MYH7: variants seen among roughly 807,000 people sequenced by gnomAD.
MYH7 encodes the protein myosin-7.
MYH7 carries 129 observed loss-of-function variants against 225.4 expected under a neutral mutation model. The ratio of observed to expected loss-of-function variants is 0.57; its 90% CI spans 0.50 to 0.66. The LOEUF (loss-of-function observed/expected upper bound fraction) is 0.66, where lower values mean the gene tolerates loss of function less well. MYH7 is among the 30% of genes least tolerant of loss of function. MYH7 has a pLI of 0.00. For missense variants in MYH7, 1,649 were observed against 2,517.0 expected, an observed-to-expected ratio of 0.66 and a Z score of 7.38; for synonymous variants, 971 against 1,007.6, an observed-to-expected ratio of 0.96 and a Z score of 0.69.
At position 23,415,544 on chromosome 14, in the gene MYH7, T is replaced by C. The variant is rs775212799; in HGVS notation, c.5158-38A>G. ...AGGGTTGGGCAGAGCAGGAAAAGCA[T>C]TGAGCATCTATGCATAGCTCTCAAG... On this transcript the variant is annotated intron_variant, in intron 35 of 39. Coordinates refer to ENST00000355349, the MANE Select transcript of MYH7 (RefSeq NM_000257.4). The surrounding 1 kb of genome is among the most constrained non-coding windows in gnomAD (Gnocchi z 6.3). 4 of 1,613,978 alleles carry C rather than the reference T, an allele frequency of 2.5e-6. No homozygotes were observed. The highest frequency in any genetic ancestry group is 2.7e-5 in the African/African-American group (2 of 74,924).
Position 23,417,202 on chromosome 14 carries a change from C to T in MYH7, c.4470G>A (p.Glu1490=). The change falls in exon 32 of 40, where the codon GAG becomes GAA. Residue 1490 remains glutamate, a synonymous_variant. Transcript: ENST00000355349. ...TGAAGGTCTCCAGATGTTCCAGGGA[C>T]TCCTCATAGGCGTTCTTGAGTTTGA... ...ELFKLKNAYE[E]SLEHLETFKR... 6.2e-7 allele frequency: 1 copy of T among 1,614,216 alleles called. No homozygotes were observed. Among genetic ancestry groups the T allele is most frequent in the Non-Finnish European group, 8.5e-7 (1 of 1,180,038 alleles).
chr14:23,433,883 A>T lies in MYH7; in HGVS notation c.-8-143T>A. The T allele has an allele frequency of 1.2e-6, 1 of 826,726 alleles. No individual in the cohort carries two copies. Among genetic ancestry groups the T allele is most frequent in the Non-Finnish European group, 1.9e-6 (1 of 516,342 alleles). The allele number at this position is 826,726 out of a possible 1,614,324, so 51.2% of individuals were successfully genotyped here. A position where few individuals can be genotyped will look rare whatever the true frequency, so the allele number is the denominator to read the frequency against. On this transcript the variant is annotated intron_variant, in intron 2 of 39. Coordinates refer to ENST00000355349, the MANE Select transcript of MYH7 (RefSeq NM_000257.4). The surrounding 1 kb of genome is among the most constrained non-coding windows in gnomAD (Gnocchi z 4.1). The stretch of plus-strand genomic sequence containing the variant: ...TTACCAGTGAGTCCCTTCCTCTTTG[A>T]GGTTACCCCTTAACCAGAGGAGCAG...
At chr14:23,423,862 A>T in intron 23 of MYH7, 45 bp downstream of exon 23, 1 of 1,613,660 alleles carries the variant, frequency 6.2e-7, no homozygotes, top group Non-Finnish European at 8.5e-7. Flanking sequence ...ATGGTCTGAG[A>T]GTCCTGATGA....
At chr14:23,427,523 C>A (rs1341558383) in intron 16 of MYH7, 62 bp downstream of exon 16, 5 of 1,594,514 alleles carry the variant, frequency 3.1e-6, no homozygotes, top group Non-Finnish European at 4.3e-6. Flanking sequence ...AGCAATTGAC[C>A]TGGCTCAGAA....
intron 6 of MYH7, 40 bp from the exon 7 acceptor site, chr14:23,431,909 C>T (rs375851063): frequency 6.9e-6 from 11 of 1,594,404 alleles, no homozygotes; most frequent in African/African-American, 2.7e-5. Flanking sequence ...AACAATACTA[C>T]TGGAGACCAG....
intron 38 of MYH7, 34 bp from the exon 39 acceptor site, chr14:23,413,927 C>G (rs760334246): frequency 1.2e-6 from 2 of 1,614,192 alleles, no homozygotes; most frequent in Non-Finnish European, 1.7e-6. Context: ...TGAGAGGGGG[C>G]CTGGGTTCTC....
chr14:23,426,980 G>A, intron 17 of MYH7, 116 bp from the exon 18 acceptor site: 9 of 1,029,432 alleles, frequency 8.7e-6, no homozygotes, highest in Non-Finnish European at 8.9e-6. Flanking sequence ...AAGTCACAGA[G>A]ATGAAGGGGC....
At chr14:23,413,281 A>C (rs1301539799) in intron 39 of MYH7, among the ~76,000 whole-genome samples, 1 of 152,190 alleles carries the variant, frequency 6.6e-6, no homozygotes, top group Non-Finnish European at 1.5e-5. Context: ...TCCCAGAACC[A>C]CTGAAACTTA....
intron 26 of MYH7, 129 bp from the exon 27 acceptor site, chr14:23,420,363 T>A (rs1412906276): frequency 6.6e-7 from 1 of 1,520,014 alleles, no homozygotes. Flanking sequence ...AGGTGGGAAT[T>A]AAAGGATTTG....
Position 23,424,842 on chromosome 14 carries a change from C to T in MYH7, c.2606G>A (p.Arg869His), listed in dbSNP as rs202141173. The change falls in exon 22 of 40, where the codon CGC becomes CAC. Residue 869 changes from arginine to histidine, a missense_variant. This residue lies in a region of MYH7 where 282 missense variants were observed against 315.3 expected (regional missense o/e 0.89). Coordinates refer to ENST00000355349, the MANE Select transcript of MYH7 (RefSeq NM_000257.4). Reference protein sequence around the residue: ...LKEALEKSEARRKELEEKMVS... With the variant: ...LKEALEKSEAHRKELEEKMVS... ...CATCTTCTCCTCCAGCTCCTTGCGG[C>T]GAGCCTCGGACTTCTCTAGCGCCTC... 1.7e-5 allele frequency: 28 copies of T among 1,614,208 alleles called. No individual in the cohort carries two copies. Among genetic ancestry groups the T allele is most frequent in the African/African-American group, 1.3e-4 (10 of 75,042 alleles).
rs567802415 is a variant in MYH7 at position 23,431,373 on chromosome 14, G to A, written c.796+45C>T. 3.2e-6 allele frequency: 5 copies of A among 1,586,822 alleles called. No individual in the cohort carries two copies. The South Asian group carries it at 4.4e-5, about 14-fold the overall frequency. On this transcript the variant is annotated intron_variant, in intron 9 of 39. Transcript: ENST00000355349. Reference sequence around the variant, plus strand: ...AGAGGTCAAGACCAGATGGTCTAGAGCAAGGGTGAGCTTAGGCTGAGCCTA... The same window carrying A: ...AGAGGTCAAGACCAGATGGTCTAGAACAAGGGTGAGCTTAGGCTGAGCCTA...
In MYH7 at chr14:23,416,980, T is replaced by G. The variant is rs730880802; in HGVS notation, c.4532A>C (p.Asp1511Ala). ...ENKNLQEEIS[D>A]LTEQLGSSGK... ...GCTGGAACCCAACTGCTCAGTCAAG[T>G]CGGAGATCTCCTCTGTGTGGGGAAC... is the stretch of plus-strand genomic sequence containing the variant. The change falls in exon 33 of 40, where the codon GAC becomes GCC. Residue 1511 changes from aspartate to alanine, a missense_variant. Asp to Ala is a moderately radical substitution (Grantham distance 126, BLOSUM62 -2). Coordinates refer to ENST00000355349, the MANE Select transcript of MYH7 (RefSeq NM_000257.4). The G allele has an allele frequency of 2.5e-6, 4 of 1,614,214 alleles. No homozygotes were observed. Among genetic ancestry groups the G allele is most frequent in the Non-Finnish European group, 3.4e-6 (4 of 1,180,040 alleles).
Position 23,419,508 on chromosome 14 carries a change from C to G in MYH7, c.3828G>C (p.Gln1276His), listed in dbSNP as rs1892377170. ...CATTCTCGGTTTGCAACTTGGCCCG[C>G]TGGCTGGTGAGGTCGTTGACAGAAC... ...TQRSVNDLTS[Q>H]RAKLQTENGE... The change falls in exon 28 of 40, where the codon CAG becomes CAC. Residue 1276 changes from glutamine (Q) to histidine (H), a missense_variant. Physicochemically the swap from Gln to His is conservative, Grantham distance 24 (BLOSUM62 0). Around this residue, in one of 12 missense-constraint regions of MYH7, gnomAD observed 687 missense variants for 913.8 expected, o/e 0.75. Transcript: ENST00000355349. 2.5e-6 allele frequency: 4 copies of G among 1,614,026 alleles called. No homozygotes were observed. Among genetic ancestry groups the G allele is most frequent in the Non-Finnish European group, 3.4e-6 (4 of 1,180,040 alleles).
chr14:23,432,383 G>A (rs752260716), intron 6 of MYH7, 96 bp downstream of exon 6: 50 of 1,499,546 alleles, frequency 3.3e-5, no homozygotes, highest in East Asian at 6.8e-5. Flanking sequence ...GGGGGAAAGA[G>A]GCTGAGTCTA....
At position 23,432,514 on chromosome 14, in the gene MYH7, G is replaced by T. The variant is rs606231313; in HGVS notation, c.503-8C>A. ...TGGACTGGTTTTCTCTGTCTGTGGGGAGAGGGTGGGGAGGAAAGGTCAGGA... is the reference window on the plus strand; with the variant it reads ...TGGACTGGTTTTCTCTGTCTGTGGGTAGAGGGTGGGGAGGAAAGGTCAGGA... On this transcript the variant is annotated splice_polypyrimidine_tract_variant and splice_region_variant and intron_variant, in intron 5 of 39. Coordinates refer to ENST00000355349, the MANE Select transcript of MYH7 (RefSeq NM_000257.4). The T allele has an allele frequency of 3.7e-6, 6 of 1,614,026 alleles. No individual in the cohort carries two copies. Among genetic ancestry groups the T allele is most frequent in the Non-Finnish European group, 4.2e-6 (5 of 1,180,024 alleles).
chr14:23,423,436 AACACACACACACACACAC>A (rs61677533), intron 24 of MYH7, 93 bp downstream of exon 24: 258 of 825,038 alleles, frequency 3.1e-4, no homozygotes, highest in Middle Eastern at 1.1e-3. Flanking sequence ...CATAAACACA[AACACACACACACACACAC>A]ACACACACAC....
In MYH7 at chr14:23,415,226, G is replaced by A. The variant is rs765263589; in HGVS notation, c.5328C>T (p.Ser1776=). 1.8e-5 allele frequency: 29 copies of A among 1,614,122 alleles called. No homozygotes were observed. The highest frequency in any genetic ancestry group is 2.2e-5 in the East Asian group (1 of 44,886). ...AEELKKEQDT[S]AHLERMKKNM... Reference sequence around the variant, plus strand: ...TCTTCTTCATGCGCTCCAGGTGGGCGCTGGTGTCCTGCTCCTTCTTCAGCT... The same window carrying A: ...TCTTCTTCATGCGCTCCAGGTGGGCACTGGTGTCCTGCTCCTTCTTCAGCT... Residue 1776 remains serine, a synonymous_variant, in exon 37 of 40, where the codon AGC becomes AGT. Coordinates refer to ENST00000355349, the MANE Select transcript of MYH7 (RefSeq NM_000257.4). The surrounding 1 kb of genome is among the most constrained non-coding windows in gnomAD (Gnocchi z 6.3).
intron 22 of MYH7, 74 bp downstream of exon 22, chr14:23,424,695 G>T: frequency 6.2e-7 from 1 of 1,604,780 alleles, no homozygotes; most frequent in African/African-American, 1.3e-5. Context: ...GAGCCCCTGT[G>T]CAGGGAGGTG....
intron 10 of MYH7, 35 bp from the exon 11 acceptor site, chr14:23,430,698 G>A (rs1055234053): frequency 3.8e-6 from 6 of 1,569,434 alleles, no homozygotes; most frequent in Admixed American, 1.7e-5. Flanking sequence ...TGGGACACAA[G>A]CCCCCGGCTC....
Sources: gnomAD v4.1 joint callset for allele counts (sites outside exome capture counted in the v4.1 genomes callset) on GRCh38, gnomAD v4.1.1 for gene constraint, gnomAD v4.1.1 regional missense constraint, Gnocchi (gnomAD v3.1) non-coding constraint, MANE v1.5 for transcripts, NCBI Gene and HGNC (gene_info 2026-07-23, HGNC 2026-07-21) for gene names.